ELAVL1: variants seen among roughly 807,000 people sequenced by gnomAD.
ELAVL1 encodes ELAV like RNA binding protein 1.
ELAVL1 carries 1 observed loss-of-function variant against 28.4 expected under a neutral mutation model. That is an observed-to-expected ratio of 0.04 (90% CI 0.01 to 0.17). The LOEUF (loss-of-function observed/expected upper bound fraction) is 0.17, where lower values mean the gene tolerates loss of function less well. Among genes scored for constraint, ELAVL1 ranks in the 10% least tolerant of loss-of-function variants. The pLI, the probability that ELAVL1 is intolerant of heterozygous loss-of-function variation, is 1.00. For synonymous variants in ELAVL1, 174 were observed against 183.5 expected, an observed-to-expected ratio of 0.95 and a Z score of 0.42; for missense variants, 157 against 447.2, an observed-to-expected ratio of 0.35 and a Z score of 5.85.
chr19:7,976,997 CTTAT>C (rs1156804224), intron 3 of ELAVL1, among the ~76,000 whole-genome samples: 2 of 152,048 alleles, frequency 1.3e-5, no homozygotes, highest in African/African-American at 2.4e-5. Context: ...ATCTATTTTA[CTTAT>C]TTAACTTTTA....
rs1599676758 is a variant in ELAVL1 at position 7,990,079 on chromosome 19, G to C, written c.172+1565C>G. The stretch of plus-strand genomic sequence containing the variant: ...ACTCTGTTGCCCACACTGGAGTGCA[G>C]TGGCACAATCTCAGCTCATTGCAAC... On this transcript the variant is annotated intron_variant, in intron 2 of 5. Transcript: ENST00000407627. Among the ~76,000 whole-genome samples the C allele has an allele frequency of 2.0e-5, 3 of 152,206 alleles. No homozygotes were observed. The South Asian group carries it at 6.2e-4, about 31-fold the overall frequency.
intron 1 of ELAVL1, 117 bp from the exon 2 acceptor site, chr19:7,991,948 G>C: frequency 1.6e-6 from 1 of 623,908 alleles, no homozygotes; most frequent in South Asian, 2.4e-5. Flanking sequence ...TTTTTTTTTT[G>C]TTTTGTTTTT....
At chr19:7,971,952 G>A (rs1281686704) in intron 4 of ELAVL1, among the ~76,000 whole-genome samples, 1 of 152,252 alleles carries the variant, frequency 6.6e-6, no homozygotes, top group East Asian at 1.9e-4. Flanking sequence ...CCACCTGTGT[G>A]CACATGAAAG....
chr19:7,987,119 G>C (rs1171937273), intron 2 of ELAVL1, among the ~76,000 whole-genome samples: 5 of 149,482 alleles, frequency 3.3e-5, no homozygotes, highest in East Asian at 2.0e-4. Flanking sequence ...GGGGTGCCGG[G>C]GGGGGGGGAG....
intron 2 of ELAVL1, among the ~76,000 whole-genome samples, chr19:7,991,008 T>A (rs562713815): frequency 3.3e-4 from 51 of 152,284 alleles, no homozygotes; most frequent in Non-Finnish European, 6.2e-4. Flanking sequence ...AATCTCCACA[T>A]TCCGGATGGG....
intron 2 of ELAVL1, among the ~76,000 whole-genome samples, chr19:7,984,933 G>C (rs548392608): frequency 1.3e-5 from 2 of 152,294 alleles, no homozygotes; most frequent in South Asian, 4.2e-4. Flanking sequence ...AGGTGGGGGG[G>C]TTGCCAGTTG....
intron 1 of ELAVL1, among the ~76,000 whole-genome samples, chr19:8,001,442 A>G (rs1330580889): frequency 6.6e-6 from 1 of 152,016 alleles, no homozygotes; most frequent in East Asian, 1.9e-4. Context: ...CTCCTGCTAG[A>G]CCGACTCCTA....
rs1285795433 is a variant in ELAVL1 at position 7,959,412 on chromosome 19, A to ACAT, written c.*4068_*4070dup. On this transcript the variant is annotated 3_prime_UTR_variant, in exon 6 of 6. Coordinates refer to ENST00000407627, the MANE Select transcript of ELAVL1 (RefSeq NM_001419.3). ...CCCAAAGCAAGTCACTGTAAACGGA[A>ACAT]CATCACATGGTCATGGTCAAAGAGG... 1 of 152,520 alleles carries ACAT rather than the reference A, an allele frequency of 6.6e-6. No individual in the cohort carries two copies. The highest frequency in any genetic ancestry group is 2.4e-5 in the African/African-American group (1 of 41,444). 9.4% of individuals were successfully genotyped at this position (152,520 alleles called of 1,614,324 possible).
chr19:7,977,402 C>T (rs1038405740), intron 3 of ELAVL1, among the ~76,000 whole-genome samples: 4 of 152,196 alleles, frequency 2.6e-5, no homozygotes, highest in African/African-American at 9.6e-5. Context: ...ATCTGGGGAC[C>T]ATTTTTTATG....
Position 7,982,004 on chromosome 19 carries a change from G to A in ELAVL1, c.173-818C>T, listed in dbSNP as rs1323969721. Among the ~76,000 whole-genome samples, 2 of 152,202 alleles carry A rather than the reference G, an allele frequency of 1.3e-5. No homozygotes were observed. The highest frequency in any genetic ancestry group is 2.9e-5 in the Non-Finnish European group (2 of 68,034). On this transcript the variant is annotated intron_variant, in intron 2 of 5. Coordinates refer to ENST00000407627, the MANE Select transcript of ELAVL1 (RefSeq NM_001419.3). This position sits in a 1 kb window ranked among gnomAD's most constrained non-coding sequence, Gnocchi z 4.3. The stretch of plus-strand genomic sequence containing the variant: ...AGAAGAGTCCAGGGAGAGGCCAGGG[G>A]CTGAGAATCCCCAGCCCTGCCAGAC...
At chr19:8,003,246 G>T (rs1166575807) in intron 1 of ELAVL1, among the ~76,000 whole-genome samples, 1 of 151,188 alleles carries the variant, frequency 6.6e-6, no homozygotes, top group Non-Finnish European at 1.5e-5. Flanking sequence ...AAAATTAGCT[G>T]GACGTGGTGG....
rs768748811 is a variant in ELAVL1, at chr19:7,963,633, G to A, written c.831C>T (p.Arg277=). The A allele has an allele frequency of 1.5e-5, 24 of 1,614,142 alleles. No individual in the cohort carries two copies. Among genetic ancestry groups the A allele is most frequent in the Middle Eastern group, 1.6e-4 (1 of 6,084 alleles). The part of the protein sequence containing the change: ...FGAVTNVKVI[R]DFNTNKCKGF... ...CTTTGCACTTGTTGGTGTTGAAGTC[G>A]CGGATCACTTTCACATTGGTGACGG... The change falls in exon 6 of 6, where the codon CGC becomes CGT. Residue 277 remains arginine, a synonymous_variant. Transcript: ENST00000407627. This position sits in a 1 kb window ranked among gnomAD's most constrained non-coding sequence, Gnocchi z 4.5.
intron 1 of ELAVL1, 84 bp from the exon 2 acceptor site, chr19:7,991,915 A>T: frequency 2.0e-6 from 2 of 1,020,716 alleles, no homozygotes; most frequent in Non-Finnish European, 2.7e-6. Flanking sequence ...ATTTGCACTT[A>T]GAGATTTTCT....
rs1307052690 is a variant in ELAVL1 at position 8,005,622 on chromosome 19, G to A, written c.-144C>T. 1 of 149,554 alleles carries A rather than the reference G, an allele frequency of 6.7e-6. No homozygotes were observed. The highest frequency in any genetic ancestry group is 1.5e-5 in the Non-Finnish European group (1 of 67,010). The allele number at this position is 149,554 out of a possible 1,614,324, so 9.3% of individuals were successfully genotyped here. ...TGGCGGCGACGGCGACGGCGGCAGC[G>A]GCTCCTCCTCAGCGCGCACGACCCG... On this transcript the variant is annotated 5_prime_UTR_variant, in exon 1 of 6. Transcript: ENST00000407627.
chr19:7,981,148 C>T lies in ELAVL1; in HGVS notation c.211G>A (p.Ala71Thr), dbSNP rs1002242021. ...LGYGFVNYVT[A>T]KDAERAINTL... ...TTGATCGCTCTCTCTGCATCCTTCGCGGTCACGTAGTTCACAAAGCCATAG... is the reference window on the plus strand; with the variant it reads ...TTGATCGCTCTCTCTGCATCCTTCGTGGTCACGTAGTTCACAAAGCCATAG... The change falls in exon 3 of 6, where the codon GCG (alanine) becomes ACG (threonine). Residue 71 changes from alanine (A) to threonine (T), a missense_variant. Ala to Thr is a moderately conservative substitution (Grantham distance 58). Coordinates refer to ENST00000407627, the MANE Select transcript of ELAVL1 (RefSeq NM_001419.3). This position sits in a 1 kb window ranked among gnomAD's most constrained non-coding sequence, Gnocchi z 4.2. 5 of 1,614,004 alleles carry T rather than the reference C, an allele frequency of 3.1e-6. No individual in the cohort carries two copies. The highest frequency in any genetic ancestry group is 1.1e-5 in the South Asian group (1 of 91,088).
chr19:7,987,085 C>T (rs1003059504), intron 2 of ELAVL1, among the ~76,000 whole-genome samples: 2 of 138,170 alleles, frequency 1.4e-5, no homozygotes, highest in South Asian at 4.4e-4. Context: ...GAATCACAAG[C>T]GCCCAAGAGT....
chr19:7,967,024 T>TC (rs1267923983), intron 5 of ELAVL1, among the ~76,000 whole-genome samples: 4 of 151,144 alleles, frequency 2.6e-5, no homozygotes, highest in Non-Finnish European at 5.9e-5. Context: ...ACTGGTGCTG[T>TC]CTTTTTTTTT....
At chr19:7,986,012 G>T (rs535066839) in intron 2 of ELAVL1, among the ~76,000 whole-genome samples, 2 of 152,226 alleles carry the variant, frequency 1.3e-5, no homozygotes, top group Non-Finnish European at 2.9e-5. Context: ...CCCATACACC[G>T]CCCACACTGG....
chr19:7,970,118 G>A (rs1231319706), intron 4 of ELAVL1, among the ~76,000 whole-genome samples: 4 of 151,736 alleles, frequency 2.6e-5, no homozygotes, highest in Non-Finnish European at 4.4e-5. Context: ...GACTCCAGGC[G>A]CCTGCCACCA....
Sources: gnomAD v4.1 joint callset for allele counts (sites outside exome capture counted in the v4.1 genomes callset) on GRCh38, gnomAD v4.1.1 for gene constraint, Gnocchi (gnomAD v3.1) non-coding constraint, MANE v1.5 for transcripts, NCBI Gene and HGNC (gene_info 2026-07-23, HGNC 2026-07-21) for gene names.